Variants in YAE1 observed in about 807,000 individuals in gnomAD.
YAE1 encodes the protein YAE1 maturation factor of ABCE1, also known as protein YAE1 homolog.
Under a neutral mutation model 23.0 loss-of-function variants are expected in YAE1, and 22 were observed. The observed-to-expected ratio is 0.96, with a 90% CI of 0.68 to 1.37. The LOEUF is 1.37. YAE1 is among the 40% of genes most tolerant of loss of function. The pLI, the probability that YAE1 is intolerant of heterozygous loss-of-function variation, is 0.00. For missense variants in YAE1, 260 were observed against 262.1 expected, an observed-to-expected ratio of 0.99 and a Z score of 0.06; for synonymous variants, 101 against 97.0, an observed-to-expected ratio of 1.04 and a Z score of -0.24.
At chr7:39,609,660 A>C in exon 3 of YAE1, 1 of 1,535,706 alleles carries the variant, frequency 6.5e-7, no homozygotes, top group Non-Finnish European at 8.7e-7. Flanking sequence ...AGCCCCGCTG[A>C]GGAGTCCGGA....
At position 39,609,855 on chromosome 7, in the gene YAE1, CG is replaced by C. The variant is rs1278828699; in HGVS notation, c.492del (p.Arg165ValfsTer47). 5 of 1,533,504 alleles carry C rather than the reference CG, an allele frequency of 3.3e-6. No individual in the cohort carries two copies. The East Asian group carries it at 1.2e-4, about 38-fold the overall frequency. 95.0% of individuals were successfully genotyped at this position (1,533,504 alleles called of 1,614,324 possible). A position where few individuals can be genotyped will look rare whatever the true frequency, so the allele number is the denominator to read the frequency against. ...AGGCCCTGGGACGCCGAGCCACCGC[CG>C]GCGTTTCAGACGCAAACCCCACCGC... is the stretch of plus-strand genomic sequence containing the variant. On this transcript the variant is annotated frameshift_variant, in exon 3 of 3. Coordinates refer to the YAE1 transcript ENST00000432096. LOFTEE classifies it low-confidence loss of function (END_TRUNC).
At chr7:39,579,574 C>T (rs1790711110) in intron 2 of YAE1, among the ~76,000 whole-genome samples, 1 of 151,166 alleles carries the variant, frequency 6.6e-6, no homozygotes, top group Non-Finnish European at 1.5e-5. Context: ...GAGGCTGAGG[C>T]AGGAGAATCG....
chr7:39,592,163 T>C (rs545943618), intron 2 of YAE1, among the ~76,000 whole-genome samples: 2 of 152,360 alleles, frequency 1.3e-5, no homozygotes, highest in South Asian at 4.1e-4. Context: ...TGTTTTTGCA[T>C]GAACATAGTT....
At chr7:39,588,862 C>T (rs1790860330) in intron 2 of YAE1, among the ~76,000 whole-genome samples, 2 of 150,254 alleles carry the variant, frequency 1.3e-5, no homozygotes, top group African/African-American at 2.4e-5. Context: ...CTTTATCTGT[C>T]GCCCAAGCTG....
intron 2 of YAE1, among the ~76,000 whole-genome samples, chr7:39,598,655 T>C (rs1372346641): frequency 6.6e-6 from 1 of 151,660 alleles, no homozygotes; most frequent in Non-Finnish European, 1.5e-5. Context: ...CTCATGCCTG[T>C]AGTCCCAGCT....
At chr7:39,566,719 G>A (rs1212934270) in intron 1 of YAE1, 172 bp downstream of exon 1, 7 of 945,768 alleles carry the variant, frequency 7.4e-6, no homozygotes, top group Non-Finnish European at 1.1e-5. Flanking sequence ...TTGAAAGCGT[G>A]TAAAACAACA....
At chr7:39,577,315 C>G (rs767383555), downstream of YAE1, among the ~76,000 whole-genome samples, 1 of 152,276 alleles carries the variant, frequency 6.6e-6, no homozygotes, top group Non-Finnish European at 1.5e-5. Flanking sequence ...CTCTAGGTGC[C>G]TCCTTGGCCT....
intron 2 of YAE1, among the ~76,000 whole-genome samples, chr7:39,600,970 C>A (rs1791046923): frequency 2.0e-5 from 3 of 152,206 alleles, no homozygotes; most frequent in Admixed American, 2.0e-4. Context: ...GTTTGTGATA[C>A]TTTGTTATGG....
In YAE1 at chr7:39,572,795, C is replaced by T; in HGVS notation, c.*89C>T. On this transcript the variant is annotated 3_prime_UTR_variant, in exon 3 of 3. Coordinates refer to ENST00000223273, the MANE Select transcript of YAE1 (RefSeq NM_020192.5). ...TTGTACTGGTTTCTGCATCAAACAC[C>T]TCAACTGTAGGGTTACCCTTTATGG... is the stretch of plus-strand genomic sequence containing the variant. 6.7e-7 allele frequency: 1 copy of T among 1,483,002 alleles called. No homozygotes were observed. The highest frequency in any genetic ancestry group is 8.9e-7 in the Non-Finnish European group (1 of 1,122,682). 91.9% of individuals were successfully genotyped at this position (1,483,002 alleles called of 1,614,324 possible).
At chr7:39,577,750 G>T (rs889180639), downstream of YAE1, among the ~76,000 whole-genome samples, 7 of 152,204 alleles carry the variant, frequency 4.6e-5, no homozygotes, top group African/African-American at 1.4e-4. Context: ...TGCTGCGCCC[G>T]GTCCCATGGA....
intron 2 of YAE1, among the ~76,000 whole-genome samples, chr7:39,605,621 C>T (rs1562597895): frequency 6.6e-6 from 1 of 152,172 alleles, no homozygotes. Context: ...GGTTCTCAGG[C>T]TCTCAGGCTC....
chr7:39,609,391 T>C (rs141954564), intron 2 of YAE1, among the ~76,000 whole-genome samples: 187 of 152,364 alleles, frequency 1.2e-3, no homozygotes, highest in Non-Finnish European at 2.1e-3. Context: ...CAGTGAATCA[T>C]ATTTACATCA....
At chr7:39,593,582 C>A (rs1425270629) in intron 2 of YAE1, among the ~76,000 whole-genome samples, 1 of 151,918 alleles carries the variant, frequency 6.6e-6, no homozygotes, top group African/African-American at 2.4e-5. Flanking sequence ...TGCCTCAGCC[C>A]CCAAGTAGCT....
At chr7:39,599,319 C>T (rs1047599868) in intron 2 of YAE1, among the ~76,000 whole-genome samples, 5 of 152,120 alleles carry the variant, frequency 3.3e-5, no homozygotes, top group African/African-American at 7.2e-5. Flanking sequence ...TTTCTTCATT[C>T]GTAAATGAGG....
rs781488985 is a variant in YAE1, at chr7:39,572,500, A to C, written c.475A>C (p.Arg159=). Residue 159 remains arginine, a synonymous_variant, in exon 3 of 3, where the codon AGA becomes CGA. Coordinates refer to ENST00000223273, the MANE Select transcript of YAE1 (RefSeq NM_020192.5). ...AAAGATTGATGAAGCTAAAGATGAA[A>C]GACTCTGTGAAAATAATGCTGAGTT... ...EKKIDEAKDE[R]LCENNAEFNK... 54 of 1,614,070 alleles carry C rather than the reference A, an allele frequency of 3.3e-5. No individual in the cohort carries two copies. The Admixed American group carries it at 8.3e-4, about 25-fold the overall frequency.
At chr7:39,593,935 T>C (rs1790941553) in intron 2 of YAE1, among the ~76,000 whole-genome samples, 1 of 152,172 alleles carries the variant, frequency 6.6e-6, no homozygotes, top group East Asian at 1.9e-4. Flanking sequence ...TTCCTTAGAG[T>C]GTTGGTTGAT....
rs182735313 is a variant in YAE1 at position 39,568,226 on chromosome 7, C to T, written c.129+1679C>T. On this transcript the variant is annotated intron_variant, in intron 1 of 2. Coordinates refer to ENST00000223273, the MANE Select transcript of YAE1 (RefSeq NM_020192.5). The stretch of plus-strand genomic sequence containing the variant: ...GCACTCCAGCCTGGGTGACAGAGCG[C>T]GACTCCATCTCAAAAAATAATGATA... Among the ~76,000 whole-genome samples the T allele has an allele frequency of 6.4e-4, 96 of 151,138 alleles. 1 individual carries two copies. The South Asian group carries it at 0.014, about 23-fold the overall frequency.
chr7:39,580,904 C>G (rs959965195), intron 2 of YAE1, among the ~76,000 whole-genome samples: 6 of 152,212 alleles, frequency 3.9e-5, no homozygotes, highest in Non-Finnish European at 7.4e-5. Flanking sequence ...GCTCTGAGGC[C>G]TAAAAGTAAA....
intron 2 of YAE1, among the ~76,000 whole-genome samples, chr7:39,605,566 G>C (rs1197981841): frequency 6.6e-6 from 1 of 152,124 alleles, no homozygotes; most frequent in African/African-American, 2.4e-5. Flanking sequence ...TTGGGGTCTT[G>C]AGCCAGCTGT....
Sources: gnomAD v4.1 joint callset for allele counts (sites outside exome capture counted in the v4.1 genomes callset) on GRCh38, gnomAD v4.1.1 for gene constraint, MANE v1.5 for transcripts, NCBI Gene and HGNC (gene_info 2026-07-23, HGNC 2026-07-21) for gene names.